Variants in COMMD1 observed in about 807,000 individuals in gnomAD.
COMMD1 encodes the protein copper metabolism domain containing 1.
COMMD1 carries 10 observed loss-of-function variants against 17.2 expected under a neutral mutation model. The ratio of observed to expected loss-of-function variants is 0.58; its 90% CI spans 0.36 to 0.99. COMMD1 has a LOEUF of 0.99. Among genes scored for constraint, COMMD1 ranks in the 50% least tolerant of loss-of-function variants. The probability of loss-of-function intolerance (pLI) is 0.01; values close to 1 mark genes in which losing one functional copy is unlikely to be tolerated. For missense variants in COMMD1, 270 were observed against 231.8 expected (o/e 1.17, Z -1.07); for synonymous variants, 97 against 91.6 (o/e 1.06, Z -0.34).
chr2:62,065,327 A>G (rs1456271523), intron 2 of COMMD1, among the ~76,000 whole-genome samples: 1 of 131,886 alleles, frequency 7.6e-6, no homozygotes, highest in Non-Finnish European at 1.6e-5. Flanking sequence ...GTGACATTTT[A>G]TATGTACTTA....
intron 2 of COMMD1, among the ~76,000 whole-genome samples, chr2:62,015,014 C>T (rs1669397274): frequency 6.6e-6 from 1 of 152,132 alleles, no homozygotes; most frequent in Admixed American, 6.5e-5. Context: ...AGCCTCAAGT[C>T]CTGGGCTCAA....
rs988965504 is a variant in COMMD1, at chr2:61,940,930, C to T, written c.180+35072C>T. Among the ~76,000 whole-genome samples the T allele has an allele frequency of 7.9e-5, 12 of 151,908 alleles. No homozygotes were observed. The East Asian group carries it at 1.4e-3, about 17-fold the overall frequency. On this transcript the variant is annotated intron_variant, in intron 1 of 2. Transcript: ENST00000311832. ...GTCTCGATCTCCTGACCTCGTGATC[C>T]GCCCGCCTCGGCCTCCCAAAGTGCT...
intron 2 of COMMD1, among the ~76,000 whole-genome samples, chr2:62,101,611 C>CTG: frequency 6.6e-6 from 1 of 151,802 alleles, no homozygotes; most frequent in Admixed American, 6.6e-5. Context: ...CCCTGTCTCT[C>CTG]TCTCTCTCTA....
chr2:62,023,007 A>G (rs1466982237), intron 2 of COMMD1, among the ~76,000 whole-genome samples: 1 of 152,188 alleles, frequency 6.6e-6, no homozygotes, highest in Non-Finnish European at 1.5e-5. Context: ...TGGGCAGATC[A>G]CCTGAGGTCA....
chr2:62,033,708 T>C (rs987049975), intron 2 of COMMD1, among the ~76,000 whole-genome samples: 1 of 152,204 alleles, frequency 6.6e-6, no homozygotes, highest in Non-Finnish European at 1.5e-5. Context: ...AACTCCAGGT[T>C]TCAGCTAGTG....
At chr2:61,909,624 A>C (rs975031946) in intron 1 of COMMD1, among the ~76,000 whole-genome samples, 18 of 152,320 alleles carry the variant, frequency 1.2e-4, no homozygotes, top group African/African-American at 4.3e-4. Context: ...TATTCTTATA[A>C]TCTTGCTAAC....
chr2:62,027,761 C>T (rs1191513850), intron 2 of COMMD1, among the ~76,000 whole-genome samples: 1 of 152,058 alleles, frequency 6.6e-6, no homozygotes, highest in African/African-American at 2.4e-5. Context: ...GCAGCCTCCA[C>T]CTGCCTGGCT....
chr2:61,914,375 C>T (rs530644874), intron 1 of COMMD1, among the ~76,000 whole-genome samples: 1 of 151,684 alleles, frequency 6.6e-6, no homozygotes, highest in South Asian at 2.1e-4. Flanking sequence ...CTTGTCTCTA[C>T]TAAAAATACA....
intron 1 of COMMD1, among the ~76,000 whole-genome samples, chr2:61,997,981 T>C (rs918072967): frequency 1.3e-5 from 2 of 152,384 alleles, no homozygotes; most frequent in South Asian, 2.1e-4. Context: ...GATAACTTGC[T>C]GCAGCTCATA....
At chr2:61,904,779 A>G (rs116078406), upstream of COMMD1, among the ~76,000 whole-genome samples, 655 of 152,328 alleles carry the variant, frequency 4.3e-3, 2 homozygotes, top group African/African-American at 0.015. Flanking sequence ...TTGTGCTTCC[A>G]CTTCCGGAAT....
At chr2:61,925,327 G>A (rs1190907697) in intron 1 of COMMD1, among the ~76,000 whole-genome samples, 2 of 152,084 alleles carry the variant, frequency 1.3e-5, no homozygotes, top group South Asian at 4.1e-4. Flanking sequence ...TTACTAACCT[G>A]CCGGCTGCTC....
At chr2:62,029,705 G>C (rs1669862466) in intron 2 of COMMD1, among the ~76,000 whole-genome samples, 1 of 152,180 alleles carries the variant, frequency 6.6e-6, no homozygotes, top group South Asian at 2.1e-4. Context: ...ATGAAGTTCT[G>C]TAGCATGTTT....
intron 2 of COMMD1, among the ~76,000 whole-genome samples, chr2:62,060,943 A>G (rs1341647178): frequency 6.6e-6 from 1 of 150,986 alleles, no homozygotes; most frequent in African/African-American, 2.4e-5. Flanking sequence ...ATTTCTTTCC[A>G]TTTATCTTTT....
Position 61,899,962 on chromosome 2 carries a change from G to A in COMMD1, n.119+11120G>A, listed in dbSNP as rs139337930. 7.9e-5 allele frequency among the ~76,000 whole-genome samples: 12 copies of A among 152,248 alleles called. No homozygotes were observed. In the East Asian group the frequency reaches 1.5e-3, roughly 20 times the overall value. ...GCTGGGATCACAGGTGTGAGCCACC[G>A]CGCCCAGCCTGTATTTTCACTTGCT... is the stretch of plus-strand genomic sequence containing the variant. On this transcript the variant is annotated intron_variant and non_coding_transcript_variant, in intron 1 of 2. Coordinates refer to the COMMD1 transcript ENST00000472729.
chr2:62,036,825 A>G (rs1670053108), intron 2 of COMMD1, among the ~76,000 whole-genome samples: 1 of 152,186 alleles, frequency 6.6e-6, no homozygotes, highest in Admixed American at 6.5e-5. Context: ...GGCCCCTAGG[A>G]TTAGTAAACT....
chr2:62,044,988 G>A (rs929865806), intron 2 of COMMD1, among the ~76,000 whole-genome samples: 5 of 152,288 alleles, frequency 3.3e-5, no homozygotes, highest in African/African-American at 1.2e-4. Context: ...CTGCTGCACA[G>A]ACAAAAATCA....
At chr2:62,110,470 C>T (rs552584920) in intron 2 of COMMD1, among the ~76,000 whole-genome samples, 14 of 152,324 alleles carry the variant, frequency 9.2e-5, no homozygotes, top group Non-Finnish European at 1.6e-4. Context: ...AATTCACTGA[C>T]TTACAGTTCT....
intron 2 of COMMD1, among the ~76,000 whole-genome samples, chr2:62,125,823 T>A (rs776651571): frequency 6.6e-6 from 1 of 152,176 alleles, no homozygotes; most frequent in Non-Finnish European, 1.5e-5. Flanking sequence ...GTTTGTTACA[T>A]AGGTAAATGT....
chr2:62,089,070 A>G (rs985638045), intron 2 of COMMD1, among the ~76,000 whole-genome samples: 2 of 152,288 alleles, frequency 1.3e-5, no homozygotes, highest in Admixed American at 6.5e-5. Flanking sequence ...GTGGAGACCA[A>G]GGTTCCTTTG....
Sources: allele counts gnomAD v4.1 joint callset (sites outside exome capture counted in the v4.1 genomes callset), GRCh38; gene constraint gnomAD v4.1.1; transcripts MANE v1.5; gene names NCBI Gene and HGNC (gene_info 2026-07-23, HGNC 2026-07-21).